The following SEMA5A variants were observed in gnomAD, a reference collection of about 807,000 sequenced individuals.
SEMA5A encodes semaphorin-5A.
A neutral mutation model predicts 135.5 loss-of-function variants in SEMA5A; 55 were observed. The observed-to-expected ratio is 0.41, with a 90% CI of 0.33 to 0.51. The LOEUF (loss-of-function observed/expected upper bound fraction) is 0.51, where lower values mean the gene tolerates loss of function less well. SEMA5A is among the 20% of genes least tolerant of loss of function. SEMA5A has a pLI of 0.37. For missense variants in SEMA5A, 1,290 were observed against 1,419.9 expected (o/e 0.91, Z 1.47); for synonymous variants, 580 against 546.5 (o/e 1.06, Z -0.85).
intron 11 of SEMA5A, among the ~76,000 whole-genome samples, chr5:9,172,763 C>T (rs1743997385): frequency 1.3e-5 from 2 of 152,142 alleles, no homozygotes; most frequent in African/African-American, 2.4e-5. Flanking sequence ...ATTCTTAATA[C>T]ATATTTTCTG....
intron 1 of SEMA5A, among the ~76,000 whole-genome samples, chr5:9,445,322 C>G (rs707637): frequency 6.6e-6 from 1 of 151,452 alleles, no homozygotes; most frequent in Non-Finnish European, 1.5e-5. Flanking sequence ...CACATATTTA[C>G]CAAGAACATT....
At chr5:9,077,696 G>T (rs1738143168) in intron 16 of SEMA5A, among the ~76,000 whole-genome samples, 1 of 152,194 alleles carries the variant, frequency 6.6e-6, no homozygotes, top group African/African-American at 2.4e-5. Flanking sequence ...GCGACTTCAG[G>T]TCTCACCTGG....
At chr5:9,508,260 T>C (rs543404155) in intron 1 of SEMA5A, among the ~76,000 whole-genome samples, 41 of 152,118 alleles carry the variant, frequency 2.7e-4, no homozygotes, top group Non-Finnish European at 1.2e-4. Context: ...CCAGGGAGTG[T>C]CATCTCCCTC....
intron 5 of SEMA5A, among the ~76,000 whole-genome samples, chr5:9,293,549 T>C (rs1751189056): frequency 6.6e-6 from 1 of 152,246 alleles, no homozygotes; most frequent in Admixed American, 6.5e-5. Flanking sequence ...TTTTTAACAG[T>C]AGGAATAAAT....
At position 9,218,366 on chromosome 5, in the gene SEMA5A, C is replaced by T. The variant is rs534811975; in HGVS notation, c.646+6308G>A. On this transcript the variant is annotated intron_variant, in intron 8 of 22. Coordinates refer to ENST00000382496, the MANE Select transcript of SEMA5A (RefSeq NM_003966.3). ...GAAACAATTCATTGGTGGCTGTCTG[C>T]TGGCTGCCTGGAAGTTTGGGCAGAA... is the stretch of plus-strand genomic sequence containing the variant. Among the ~76,000 whole-genome samples the T allele has an allele frequency of 1.6e-3, 251 of 152,266 alleles. 1 individual carries two copies. The highest frequency in any genetic ancestry group is 5.8e-3 in the African/African-American group (240 of 41,548).
chr5:9,121,141 A>G (rs1055016272), intron 14 of SEMA5A, among the ~76,000 whole-genome samples: 2 of 152,202 alleles, frequency 1.3e-5, no homozygotes, highest in African/African-American at 4.8e-5. Flanking sequence ...TATATAGGGT[A>G]GTAACTAAAT....
chr5:9,070,487 CA>C, intron 16 of SEMA5A, among the ~76,000 whole-genome samples: 1 of 152,198 alleles, frequency 6.6e-6, no homozygotes, highest in East Asian at 1.9e-4. Flanking sequence ...CCTACATCTT[CA>C]TAAACAGATT....
At chr5:9,444,858 C>A (rs551241663) in intron 1 of SEMA5A, among the ~76,000 whole-genome samples, 1 of 152,056 alleles carries the variant, frequency 6.6e-6, no homozygotes, top group Non-Finnish European at 1.5e-5. Flanking sequence ...TTGCCCGCAC[C>A]GGCCTGAATA....
intron 2 of SEMA5A, among the ~76,000 whole-genome samples, chr5:9,383,642 C>T (rs1026684952): frequency 6.6e-6 from 1 of 152,170 alleles, no homozygotes; most frequent in African/African-American, 2.4e-5. Context: ...TGCAAATCAA[C>T]TAGGGACTAA....
intron 12 of SEMA5A, among the ~76,000 whole-genome samples, chr5:9,152,069 C>T (rs913358180): frequency 5.9e-5 from 9 of 152,092 alleles, no homozygotes; most frequent in African/African-American, 2.2e-4. Context: ...TCCTAAGTTG[C>T]GTGTACAAGA....
At chr5:9,508,645 G>A (rs1350550628) in intron 1 of SEMA5A, among the ~76,000 whole-genome samples, 1 of 152,134 alleles carries the variant, frequency 6.6e-6, no homozygotes, top group Non-Finnish European at 1.5e-5. Flanking sequence ...TTCTGCGGGT[G>A]TCCAGAGAAT....
intron 2 of SEMA5A, among the ~76,000 whole-genome samples, chr5:9,413,887 C>T (rs989212338): frequency 3.3e-5 from 5 of 152,146 alleles, no homozygotes; most frequent in Admixed American, 2.6e-4. Context: ...TAAAGTTTAT[C>T]GCTGGTCCTT....
intron 1 of SEMA5A, among the ~76,000 whole-genome samples, chr5:9,531,948 C>T (rs1164272315): frequency 1.3e-5 from 2 of 152,192 alleles, no homozygotes; most frequent in Non-Finnish European, 2.9e-5. Flanking sequence ...ATGACCATCT[C>T]TCTATGAAGT....
intron 2 of SEMA5A, among the ~76,000 whole-genome samples, chr5:9,409,310 C>T (rs1757017314): frequency 6.6e-6 from 1 of 152,226 alleles, no homozygotes; most frequent in African/African-American, 2.4e-5. Context: ...TCTAATATCG[C>T]ACAGTGCAAT....
chr5:9,437,917 T>C (rs1461836589), intron 1 of SEMA5A, 65 bp from the exon 2 acceptor site: 1 of 152,224 alleles, frequency 6.6e-6, no homozygotes. Context: ...TCATTGGTCA[T>C]GAGTTCTATG....
chr5:9,248,292 C>T (rs554231782), intron 5 of SEMA5A, among the ~76,000 whole-genome samples: 2 of 152,050 alleles, frequency 1.3e-5, no homozygotes, highest in African/African-American at 4.8e-5. Context: ...GAACATGAGG[C>T]ACTCCTTCCC....
intron 16 of SEMA5A, among the ~76,000 whole-genome samples, chr5:9,095,771 C>A (rs1195553803): frequency 6.6e-6 from 1 of 152,184 alleles, no homozygotes; most frequent in African/African-American, 2.4e-5. Flanking sequence ...TATAATTAAG[C>A]ATTTCTGTCA....
At chr5:9,116,284 C>T (rs1490353600) in intron 15 of SEMA5A, among the ~76,000 whole-genome samples, 6 of 152,178 alleles carry the variant, frequency 3.9e-5, no homozygotes, top group Admixed American at 3.9e-4. Flanking sequence ...ACTACCACTA[C>T]ACAGCAGGAG....
chr5:9,384,241 G>A (rs2126497400), intron 2 of SEMA5A, among the ~76,000 whole-genome samples: 1 of 152,016 alleles, frequency 6.6e-6, no homozygotes, highest in East Asian at 1.9e-4. Context: ...CTAAATAGCA[G>A]GTCCCTCCTT....
Sources: gnomAD v4.1 joint callset for allele counts (sites outside exome capture counted in the v4.1 genomes callset) on GRCh38, gnomAD v4.1.1 for gene constraint, MANE v1.5 for transcripts, NCBI Gene and HGNC (gene_info 2026-07-23, HGNC 2026-07-21) for gene names.